Variants in NCOA3 observed in about 807,000 individuals in gnomAD.
The protein encoded by NCOA3 is CBP-interacting protein.
NCOA3 carries 51 observed loss-of-function variants against 158.8 expected under a neutral mutation model. The observed-to-expected ratio is 0.32, with a 90% CI of 0.26 to 0.41. NCOA3 has a LOEUF of 0.41. NCOA3 is among the 10% of genes least tolerant of loss of function. The probability of loss-of-function intolerance (pLI) is 1.00; values close to 1 mark genes in which losing one functional copy is unlikely to be tolerated. For missense variants in NCOA3, 1,510 were observed against 1,746.6 expected, an observed-to-expected ratio of 0.86 and a Z score of 2.41; for synonymous variants, 537 against 592.4, an observed-to-expected ratio of 0.91 and a Z score of 1.36.
At chr20:47,537,278 C>CTCAGAAA (rs2084649314) in intron 1 of NCOA3, among the ~76,000 whole-genome samples, 1 of 152,088 alleles carries the variant, frequency 6.6e-6, no homozygotes, top group Non-Finnish European at 1.5e-5. Flanking sequence ...TTTTCAGTTA[C>CTCAGAAA]GTTCTTTACT....
chr20:47,582,814 A>G (rs547282360), intron 1 of NCOA3, among the ~76,000 whole-genome samples: 17 of 152,238 alleles, frequency 1.1e-4, no homozygotes, highest in African/African-American at 4.1e-4. Flanking sequence ...AATTTTTTTG[A>G]GAGAGAATCT....
At chr20:47,640,906 T>G (rs567098495) in intron 16 of NCOA3, among the ~76,000 whole-genome samples, 1 of 151,696 alleles carries the variant, frequency 6.6e-6, no homozygotes, top group East Asian at 1.9e-4. Context: ...AAAAAAATTG[T>G]AGATTGTATT....
rs767857088 is a variant in NCOA3 at position 47,651,070 on chromosome 20, TGCAGCAGCAGCAGCAGCAGCAACA to T, written c.3762_3785del (p.Gln1269_Gln1276del). On this transcript the variant is annotated inframe_deletion, in exon 20 of 23. Coordinates refer to ENST00000371998, the MANE Select transcript of NCOA3 (RefSeq NM_181659.3). The stretch of plus-strand genomic sequence containing the variant: ...CGACAACAGAGGGTGGCTATGATGA[TGCAGCAGCAGCAGCAGCAGCAACA>T]GCAGCAGCAGCAGCAGCAGCAGCAG... 166 of 1,605,512 alleles carry T rather than the reference TGCAGCAGCAGCAGCAGCAGCAACA, an allele frequency of 1.0e-4. No homozygotes were observed. Among genetic ancestry groups the T allele is most frequent in the Admixed American group, 3.5e-4 (21 of 59,424 alleles).
At chr20:47,502,803 A>G (rs186598905) in intron 1 of NCOA3, among the ~76,000 whole-genome samples, 24 of 152,006 alleles carry the variant, frequency 1.6e-4, no homozygotes, top group African/African-American at 5.3e-4. Context: ...CCTTAACAAA[A>G]CTAGCCATGG....
intron 3 of NCOA3, among the ~76,000 whole-genome samples, chr20:47,622,789 G>C (rs2086262858): frequency 6.6e-6 from 1 of 152,164 alleles, no homozygotes; most frequent in Admixed American, 6.5e-5. Flanking sequence ...TTTTGCGGGC[G>C]GGGTTAGATC....
Position 47,652,460 on chromosome 20 carries a change from C to A in NCOA3, c.4001C>A (p.Ala1334Glu), listed in dbSNP as rs767449280. The change falls in exon 21 of 23, where the codon GCA becomes GAA. Residue 1334 changes from alanine to glutamate, a missense_variant. By Grantham distance (107) the Ala-to-Glu change is moderately radical (BLOSUM62 -1). This residue lies in a region of NCOA3 where 180 missense variants were observed against 199.3 expected (regional missense o/e 0.90). Coordinates refer to ENST00000371998, the MANE Select transcript of NCOA3 (RefSeq NM_181659.3). ...GGTCGAGTGTCTAGTCCTCCCAATG[C>A]AATGATGTCGTCAAGAATGGGTCCC... ...AFGRVSSPPN[A>E]MMSSRMGPSQ... 1 of 1,614,012 alleles carries A rather than the reference C, an allele frequency of 6.2e-7. No homozygotes were observed. Among genetic ancestry groups the A allele is most frequent in the Non-Finnish European group, 8.5e-7 (1 of 1,179,850 alleles).
intron 1 of NCOA3, among the ~76,000 whole-genome samples, chr20:47,507,296 G>A (rs2084044468): frequency 6.6e-6 from 1 of 152,116 alleles, no homozygotes; most frequent in Admixed American, 6.5e-5. Context: ...TCCATTTATT[G>A]TAACAATTTG....
chr20:47,591,689 T>A (rs993329862), intron 2 of NCOA3, among the ~76,000 whole-genome samples: 5 of 151,712 alleles, frequency 3.3e-5, no homozygotes, highest in African/African-American at 1.2e-4. Context: ...TTCTGGGTTG[T>A]TGATTTTTTT....
intron 2 of NCOA3, among the ~76,000 whole-genome samples, chr20:47,584,665 T>C (rs1197005248): frequency 6.6e-6 from 1 of 151,734 alleles, no homozygotes; most frequent in South Asian, 2.1e-4. Context: ...ATACATATTA[T>C]TCATTAAGTG....
In NCOA3 at chr20:47,569,551, G is replaced by T. The variant is rs181142812; in HGVS notation, c.-98-13632G>T. ...ATACAAAAATGAGCCAGACATGGTG[G>T]AGGCGCCTGTAATCCCAGCTACTTG... On this transcript the variant is annotated intron_variant, in intron 1 of 22. Transcript: ENST00000371998. Among the ~76,000 whole-genome samples the T allele has an allele frequency of 9.8e-4, 147 of 150,546 alleles. 2 individuals are homozygous for T. The highest frequency in any genetic ancestry group is 7.2e-3 in the Admixed American group (109 of 15,072).
intron 2 of NCOA3, among the ~76,000 whole-genome samples, chr20:47,599,133 G>A (rs2085815135): frequency 6.6e-6 from 1 of 152,178 alleles, no homozygotes; most frequent in Admixed American, 6.5e-5. Flanking sequence ...TGATGAAATG[G>A]AATGAAGGCA....
chr20:47,553,658 T>TCAACAAAC (rs1307685454), intron 1 of NCOA3, among the ~76,000 whole-genome samples: 1 of 151,692 alleles, frequency 6.6e-6, no homozygotes, highest in East Asian at 2.0e-4. Flanking sequence ...GTTTGGTTTT[T>TCAACAAAC]TGTCCTTGCG....
intron 2 of NCOA3, among the ~76,000 whole-genome samples, chr20:47,621,456 T>C (rs1257596279): frequency 1.3e-5 from 2 of 152,266 alleles, no homozygotes; most frequent in East Asian, 3.9e-4. Flanking sequence ...TTAGAATCGT[T>C]GAACTTCTTT....
At chr20:47,545,803 C>T (rs2084819252) in intron 1 of NCOA3, among the ~76,000 whole-genome samples, 1 of 151,960 alleles carries the variant, frequency 6.6e-6, no homozygotes, top group Admixed American at 6.6e-5. Flanking sequence ...CAACCTCCAC[C>T]TCCTGGGCTC....
In NCOA3 at chr20:47,639,840, C is replaced by G. The variant is rs2086575408; in HGVS notation, c.2953+18C>G. The G allele has an allele frequency of 3.7e-6, 6 of 1,612,612 alleles. No homozygotes were observed. The highest frequency in any genetic ancestry group is 5.1e-6 in the Non-Finnish European group (6 of 1,178,826). On this transcript the variant is annotated intron_variant, in intron 15 of 22. Transcript: ENST00000371998. ...TCAAATGAGTAAGTGTCCACCCTCCCCTCTTCATGAAAAAAGAAAGTTAGA... is the reference window on the plus strand; with the variant it reads ...TCAAATGAGTAAGTGTCCACCCTCCGCTCTTCATGAAAAAAGAAAGTTAGA...
intron 17 of NCOA3, among the ~76,000 whole-genome samples, chr20:47,643,455 A>G (rs1481220046): frequency 1.3e-5 from 2 of 152,250 alleles, no homozygotes; most frequent in African/African-American, 4.8e-5. Flanking sequence ...GCCATATTTT[A>G]TACTCCAACA....
At chr20:47,614,072 T>TG (rs1454565856) in intron 2 of NCOA3, among the ~76,000 whole-genome samples, 11 of 46,172 alleles carry the variant, frequency 2.4e-4, no homozygotes, top group Non-Finnish European at 3.4e-4. Flanking sequence ...TTCCACGTTA[T>TG]AAAAGCTCTT....
chr20:47,639,400 G>C (rs969136177), intron 14 of NCOA3, among the ~76,000 whole-genome samples, 177 bp from the exon 15 acceptor site: 15 of 152,264 alleles, frequency 9.9e-5, no homozygotes, highest in African/African-American at 3.6e-4. Context: ...ACATTTTCCA[G>C]CCTGTTGAAT....
At chr20:47,644,325 G>A (rs2086655855) in intron 17 of NCOA3, among the ~76,000 whole-genome samples, 1 of 151,894 alleles carries the variant, frequency 6.6e-6, no homozygotes, top group Admixed American at 6.6e-5. Flanking sequence ...ATTTTTAGTA[G>A]AGACGGGGTT....
Sources: allele counts gnomAD v4.1 joint callset (sites outside exome capture counted in the v4.1 genomes callset), GRCh38; gene constraint gnomAD v4.1.1; regional missense constraint gnomAD v4.1.1; transcripts MANE v1.5; gene names NCBI Gene and HGNC (gene_info 2026-07-23, HGNC 2026-07-21).